The following SLC2A13 variants were observed in gnomAD, a reference collection of about 807,000 sequenced individuals.
SLC2A13 encodes the protein proton myo-inositol cotransporter.
SLC2A13 carries 32 observed loss-of-function variants against 64.4 expected under a neutral mutation model. That is an observed-to-expected ratio of 0.50 (90% confidence interval 0.37 to 0.67). The LOEUF (loss-of-function observed/expected upper bound fraction) is 0.67. SLC2A13 is among the 30% of genes least tolerant of loss of function. SLC2A13 has a pLI of 0.00. For missense variants in SLC2A13, 743 were observed against 829.2 expected (o/e 0.90, Z 1.28); for synonymous variants, 338 against 327.1 (o/e 1.03, Z -0.36).
chr12:39,932,837 A>G (rs115565210), intron 4 of SLC2A13, among the ~76,000 whole-genome samples: 1 of 147,616 alleles, frequency 6.8e-6, no homozygotes, highest in African/African-American at 2.5e-5. Flanking sequence ...GAAAGAAAAA[A>G]GCTGGGGCAG....
chr12:39,891,876 T>C (rs1944617848), intron 4 of SLC2A13, among the ~76,000 whole-genome samples: 1 of 152,176 alleles, frequency 6.6e-6, no homozygotes, highest in Non-Finnish European at 1.5e-5. Context: ...TTTAAAGTGG[T>C]TTGATCATTA....
chr12:39,982,593 T>G (rs1489371862), intron 3 of SLC2A13, among the ~76,000 whole-genome samples: 3 of 149,588 alleles, frequency 2.0e-5, no homozygotes, highest in Non-Finnish European at 4.5e-5. Flanking sequence ...TCAAAGAGAA[T>G]AAAATACCTA....
At chr12:39,939,681 C>T (rs1411598649) in intron 4 of SLC2A13, among the ~76,000 whole-genome samples, 2 of 152,138 alleles carry the variant, frequency 1.3e-5, no homozygotes, top group Non-Finnish European at 2.9e-5. Context: ...AGAAGCTAGG[C>T]CTCTAAGACA....
chr12:39,997,109 G>A (rs865778679), intron 3 of SLC2A13, among the ~76,000 whole-genome samples: 1 of 152,112 alleles, frequency 6.6e-6, no homozygotes, highest in African/African-American at 2.4e-5. Flanking sequence ...TAAATCTGGA[G>A]GCATCACACT....
chr12:39,924,482 AT>A (rs1176773156), intron 4 of SLC2A13, among the ~76,000 whole-genome samples: 4 of 145,450 alleles, frequency 2.8e-5, no homozygotes, highest in South Asian at 2.2e-4. Context: ...TTCTTCCTTC[AT>A]TTTTTTTCTT....
At chr12:39,889,768 G>A (rs1944557970) in intron 4 of SLC2A13, among the ~76,000 whole-genome samples, 1 of 152,004 alleles carries the variant, frequency 6.6e-6, no homozygotes, top group African/African-American at 2.4e-5. Context: ...TTGACCTCGT[G>A]ATCTGCCCGC....
At chr12:39,898,435 T>G (rs1282978038) in intron 4 of SLC2A13, among the ~76,000 whole-genome samples, 1 of 152,150 alleles carries the variant, frequency 6.6e-6, no homozygotes, top group African/African-American at 2.4e-5. Context: ...AACCAGTGTT[T>G]GTGTGTCCAT....
At chr12:39,971,156 T>A (rs1308250645) in intron 3 of SLC2A13, among the ~76,000 whole-genome samples, 1 of 152,154 alleles carries the variant, frequency 6.6e-6, no homozygotes, top group Non-Finnish European at 1.5e-5. Context: ...GAATGTATCT[T>A]CCATAAGTTT....
intron 3 of SLC2A13, among the ~76,000 whole-genome samples, chr12:39,952,142 T>G (rs1281867787): frequency 6.6e-6 from 1 of 152,188 alleles, no homozygotes; most frequent in Admixed American, 6.5e-5. Flanking sequence ...CACTGAGTCC[T>G]TAAGTAGGTT....
intron 7 of SLC2A13, among the ~76,000 whole-genome samples, chr12:39,787,494 T>C (rs770039063): frequency 5.3e-5 from 8 of 152,182 alleles, no homozygotes; most frequent in Non-Finnish European, 1.2e-4. Context: ...AGATTATTTT[T>C]TTCCTTCAGT....
At position 40,046,373 on chromosome 12, in the gene SLC2A13, C is replaced by T. The variant is rs531959285; in HGVS notation, c.716+1678G>A. Among the ~76,000 whole-genome samples, 5 of 152,218 alleles carry T rather than the reference C, an allele frequency of 3.3e-5. No individual in the cohort carries two copies. In the East Asian group the frequency reaches 7.7e-4, roughly 23 times the overall value. On this transcript the variant is annotated intron_variant, in intron 2 of 9. Coordinates refer to ENST00000280871, the MANE Select transcript of SLC2A13 (RefSeq NM_052885.4). ...ACTGTGAGATCTTTCTCTTTCCTAA[C>T]CAGGACTGAGAAAAGATTTCTTAAT... is the stretch of plus-strand genomic sequence containing the variant.
chr12:39,774,794 T>C (rs1226489346), intron 7 of SLC2A13, among the ~76,000 whole-genome samples: 1 of 152,202 alleles, frequency 6.6e-6, no homozygotes, highest in Non-Finnish European at 1.5e-5. Flanking sequence ...ATTATTTATC[T>C]ATAAATCATT....
At chr12:39,791,379 T>A (rs1592141436) in intron 7 of SLC2A13, among the ~76,000 whole-genome samples, 1 of 59,116 alleles carries the variant, frequency 1.7e-5, no homozygotes, top group East Asian at 6.0e-4. Context: ...GCCAGGGCAA[T>A]CAGGCAGGAG....
chr12:39,911,224 G>T (rs533056797), intron 4 of SLC2A13, among the ~76,000 whole-genome samples: 2 of 152,098 alleles, frequency 1.3e-5, no homozygotes, highest in Non-Finnish European at 2.9e-5. Flanking sequence ...GTTGGCCTTG[G>T]CAAGAACACG....
At chr12:39,825,687 T>C (rs1054247548) in intron 7 of SLC2A13, among the ~76,000 whole-genome samples, 7 of 152,148 alleles carry the variant, frequency 4.6e-5, no homozygotes, top group Non-Finnish European at 1.0e-4. Flanking sequence ...TTATTCTAAA[T>C]ATTGTTTGTG....
intron 4 of SLC2A13, among the ~76,000 whole-genome samples, chr12:39,938,164 T>G (rs1302258835): frequency 6.6e-6 from 1 of 152,102 alleles, no homozygotes; most frequent in Non-Finnish European, 1.5e-5. Context: ...AACACAGATG[T>G]AGTTGCTCCC....
chr12:39,978,703 A>G (rs1220607055), intron 3 of SLC2A13, among the ~76,000 whole-genome samples: 1 of 152,120 alleles, frequency 6.6e-6, no homozygotes, highest in African/African-American at 2.4e-5. Flanking sequence ...TTGCTAGCAC[A>G]GCAGTCTGAG....
At chr12:40,099,780 G>A (rs1331040105) in intron 1 of SLC2A13, among the ~76,000 whole-genome samples, 1 of 151,964 alleles carries the variant, frequency 6.6e-6, no homozygotes, top group African/African-American at 2.4e-5. Flanking sequence ...TATAAAACAA[G>A]GAAATACAAG....
At chr12:39,844,818 A>G (rs1435892781) in intron 6 of SLC2A13, among the ~76,000 whole-genome samples, 1 of 152,058 alleles carries the variant, frequency 6.6e-6, no homozygotes, top group East Asian at 1.9e-4. Context: ...ACCTAAAGAA[A>G]GAAAAATTTA....
Sources: gnomAD v4.1 joint callset for allele counts (sites outside exome capture counted in the v4.1 genomes callset) on GRCh38, gnomAD v4.1.1 for gene constraint, MANE v1.5 for transcripts, NCBI Gene and HGNC (gene_info 2026-07-23, HGNC 2026-07-21) for gene names.